TJP2: variants seen among roughly 807,000 people sequenced by gnomAD.
TJP2 encodes the protein Friedreich ataxia region gene X104 (tight junction protein ZO-2).
A neutral mutation model predicts 133.1 loss-of-function variants in TJP2; 91 were observed. The ratio of observed to expected loss-of-function variants is 0.68; its 90% CI spans 0.58 to 0.81. TJP2 has a LOEUF of 0.81. Ranked by LOEUF, TJP2 falls within the 40% of genes least tolerant of loss-of-function variation. The probability of loss-of-function intolerance (pLI) is 0.00; values close to 1 mark genes in which losing one functional copy is unlikely to be tolerated. For missense variants in TJP2, 1,541 were observed against 1,565.6 expected (o/e 0.98, Z 0.26); for synonymous variants, 592 against 583.4 (o/e 1.01, Z -0.21).
chr9:69,248,256 G>T (rs746468399), intron 19 of TJP2, 32 bp downstream of exon 19: 3 of 1,558,160 alleles, frequency 1.9e-6, no homozygotes, highest in South Asian at 1.2e-5. Flanking sequence ...GCAGGAACAG[G>T]AGAGCCTGGT....
chr9:69,234,304 C>T (rs1830001049), intron 11 of TJP2, 135 bp from the exon 12 acceptor site: 3 of 724,904 alleles, frequency 4.1e-6, no homozygotes, highest in African/African-American at 3.6e-5. Flanking sequence ...CTTGGCTTTG[C>T]TCTGGACAGG....
chr9:69,143,401 G>A (rs1363001599), intron 1 of TJP2, among the ~76,000 whole-genome samples: 1 of 152,086 alleles, frequency 6.6e-6, no homozygotes, highest in Non-Finnish European at 1.5e-5. Flanking sequence ...TTTATCATGC[G>A]TCATCAGAAA....
chr9:69,221,164 A>C lies in TJP2; in HGVS notation c.620A>C (p.Gln207Pro). ...RGRSLERGLD[Q>P]DHARTRDRSR... ...CGGAGCCTGGAGCGGGGCCTGGACC[A>C]AGACCATGCGCGCACCCGAGACCGC... is the stretch of plus-strand genomic sequence containing the variant. The change falls in exon 5 of 23, where the codon CAA becomes CCA. Residue 207 changes from glutamine to proline, a missense_variant. Transcript: ENST00000377245. The C allele has an allele frequency of 1.3e-6, 2 of 1,597,194 alleles. No individual in the cohort carries two copies. Among genetic ancestry groups the C allele is most frequent in the Non-Finnish European group, 1.7e-6 (2 of 1,171,830 alleles).
intron 1 of TJP2, among the ~76,000 whole-genome samples, chr9:69,185,143 C>A (rs1001819219): frequency 4.6e-5 from 7 of 151,256 alleles, no homozygotes; most frequent in Admixed American, 2.0e-4. Context: ...CTTACTGCGA[C>A]CTCTGCCTCC....
intron 9 of TJP2, among the ~76,000 whole-genome samples, chr9:69,228,840 T>C (rs1302279896): frequency 6.6e-6 from 1 of 152,138 alleles, no homozygotes; most frequent in East Asian, 1.9e-4. Context: ...CCCCCAACCC[T>C]TCCCCACCAC....
chr9:69,165,302 T>C (rs1301901221), intron 2 of TJP2, among the ~76,000 whole-genome samples: 1 of 152,090 alleles, frequency 6.6e-6, no homozygotes, highest in African/African-American at 2.4e-5. Context: ...CATTTACTTT[T>C]ATTATTTTTA....
intron 22 of TJP2, chr9:69,253,925 C>G (rs1012490046): frequency 1.3e-5 from 6 of 475,124 alleles, no homozygotes; most frequent in South Asian, 6.3e-5. Context: ...TGAGACTAGC[C>G]AGGGAGCTTA....
intron 3 of TJP2, among the ~76,000 whole-genome samples, chr9:69,217,661 G>A (rs1828492290): frequency 6.6e-6 from 1 of 152,132 alleles, no homozygotes; most frequent in African/African-American, 2.4e-5. Flanking sequence ...AGTCCTTCCT[G>A]GGTGAGAGAG....
At chr9:69,181,539 C>T (rs1825513776) in intron 1 of TJP2, among the ~76,000 whole-genome samples, 1 of 152,158 alleles carries the variant, frequency 6.6e-6, no homozygotes, top group South Asian at 2.1e-4. Flanking sequence ...TGAGCCACCT[C>T]GCCTGGCCTA....
intron 2 of TJP2, among the ~76,000 whole-genome samples, chr9:69,159,419 TATAC>T (rs1823946190): frequency 7.3e-6 from 1 of 136,398 alleles, no homozygotes; most frequent in African/African-American, 2.7e-5. Context: ...TTGATATTGA[TATAC>T]AAGTAATCAA....
intron 1 of TJP2, among the ~76,000 whole-genome samples, chr9:69,203,607 A>ATTTTTTTTT (rs754221310): frequency 0.028 from 1,880 of 67,734 alleles, 316 homozygotes; most frequent in East Asian, 0.12. Flanking sequence ...CCCAGCCTGG[A>ATTTTTTTTT]TTTTTTTTTT....
rs1210315865 is a variant in TJP2, at chr9:69,226,120, C to T, written c.1155C>T (p.Ser385=). ...TACAGCTAGTGGTGTTGAGAGACAGCCAGCAGACCCTCATCAACATCCCGT... is the reference window on the plus strand; with the variant it reads ...TACAGCTAGTGGTGTTGAGAGACAGTCAGCAGACCCTCATCAACATCCCGT... ...GKLQLVVLRD[S]QQTLINIPSL... Residue 385 remains serine, a synonymous_variant, in exon 7 of 23, where the codon AGC becomes AGT. Coordinates refer to ENST00000377245, the MANE Select transcript of TJP2 (RefSeq NM_004817.4). 1.2e-6 allele frequency: 2 copies of T among 1,614,036 alleles called. No individual in the cohort carries two copies. The highest frequency in any genetic ancestry group is 2.2e-5 in the East Asian group (1 of 44,868).
At chr9:69,225,763 G>A (rs1030114558) in intron 6 of TJP2, among the ~76,000 whole-genome samples, 4 of 152,164 alleles carry the variant, frequency 2.6e-5, no homozygotes, top group East Asian at 3.8e-4. Context: ...CAGGAAACAC[G>A]TTCCAGTAGT....
At chr9:69,227,244 G>A (rs1563933746) in intron 7 of TJP2, among the ~76,000 whole-genome samples, 1 of 152,102 alleles carries the variant, frequency 6.6e-6, no homozygotes, top group Non-Finnish European at 1.5e-5. Context: ...AGGAGCATGA[G>A]AAATAATGCC....
At chr9:69,238,458 T>G (rs1183278122) in intron 15 of TJP2, among the ~76,000 whole-genome samples, 1 of 152,256 alleles carries the variant, frequency 6.6e-6, no homozygotes, top group Non-Finnish European at 1.5e-5. Context: ...CTCTTTTTTC[T>G]AAATAACTTT....
At chr9:69,184,980 G>A (rs1825756453) in intron 1 of TJP2, among the ~76,000 whole-genome samples, 1 of 151,966 alleles carries the variant, frequency 6.6e-6, no homozygotes, top group Admixed American at 6.6e-5. Context: ...GAACTCCTGG[G>A]CTCAGGCGAT....
At chr9:69,183,797 T>TG (rs745463169) in intron 1 of TJP2, among the ~76,000 whole-genome samples, 17 of 152,152 alleles carry the variant, frequency 1.1e-4, no homozygotes, top group Non-Finnish European at 1.6e-4. Context: ...TGCAGTGGCA[T>TG]GATCTCAGCT....
intron 1 of TJP2, among the ~76,000 whole-genome samples, chr9:69,134,024 A>G (rs1822619249): frequency 6.6e-6 from 1 of 151,698 alleles, no homozygotes; most frequent in Non-Finnish European, 1.5e-5. Flanking sequence ...ATGCTCTCCT[A>G]TGTCCTACCC....
chr9:69,216,979 TTTTTC>T, intron 3 of TJP2, among the ~76,000 whole-genome samples: 1 of 126,960 alleles, frequency 7.9e-6, no homozygotes, highest in Non-Finnish European at 1.6e-5. Flanking sequence ...TTTAATAAAT[TTTTTC>T]TTTTCTTTTT....
Sources: allele counts gnomAD v4.1 joint callset (sites outside exome capture counted in the v4.1 genomes callset), GRCh38; gene constraint gnomAD v4.1.1; transcripts MANE v1.5; gene names NCBI Gene and HGNC (gene_info 2026-07-23, HGNC 2026-07-21).